Variants in LRRC8C observed in about 807,000 individuals in gnomAD.
LRRC8C encodes the protein volume-regulated anion channel subunit LRRC8C.
In LRRC8C, 20 loss-of-function variants were observed where a neutral mutation model predicts 55.3. The ratio of observed to expected loss-of-function variants is 0.36; its 90% CI spans 0.25 to 0.53. The LOEUF (loss-of-function observed/expected upper bound fraction) is 0.53, where lower values mean the gene tolerates loss of function less well. Among genes scored for constraint, LRRC8C ranks in the 20% least tolerant of loss-of-function variants. The pLI is 0.92. For synonymous variants in LRRC8C, 376 were observed against 360.7 expected, an observed-to-expected ratio of 1.04 and a Z score of -0.48; for missense variants, 659 against 951.4, an observed-to-expected ratio of 0.69 and a Z score of 4.04.
chr1:89,627,370 G>A, the LRRC8C span, among the ~76,000 whole-genome samples: 1 of 112,570 alleles, frequency 8.9e-6, no homozygotes, highest in Non-Finnish European at 2.0e-5. Flanking sequence ...CTAAGAATGA[G>A]ACTCTCTGTC....
intron 1 of LRRC8C, among the ~76,000 whole-genome samples, chr1:89,655,214 C>T (rs1010840351): frequency 3.3e-5 from 5 of 151,762 alleles, no homozygotes; most frequent in African/African-American, 1.2e-4. Context: ...CATTATCTAA[C>T]CTTATGCTGA....
At chr1:89,639,824 A>G (rs1656405939) in intron 1 of LRRC8C, among the ~76,000 whole-genome samples, 1 of 152,194 alleles carries the variant, frequency 6.6e-6, no homozygotes, top group Non-Finnish European at 1.5e-5. Context: ...TGTCTTTTCT[A>G]CTATTTTAGA....
intron 1 of LRRC8C, chr1:89,668,095 T>C (rs1657321446): frequency 6.6e-6 from 1 of 152,616 alleles, no homozygotes; most frequent in Non-Finnish European, 1.5e-5. Flanking sequence ...ATTATATTAA[T>C]TTGAACCATG....
At chr1:89,659,061 T>TTGTG (rs71084956) in intron 1 of LRRC8C, among the ~76,000 whole-genome samples, 49 of 53,946 alleles carry the variant, frequency 9.1e-4, no homozygotes, top group African/African-American at 2.7e-3. Context: ...TTTTTTTTTT[T>TTGTG]TGTGTGTGTG....
At chr1:89,655,922 C>T (rs1656930912) in intron 1 of LRRC8C, among the ~76,000 whole-genome samples, 1 of 152,174 alleles carries the variant, frequency 6.6e-6, no homozygotes, top group African/African-American at 2.4e-5. Context: ...TGTTTATATG[C>T]CATTGGCTAG....
intron 2 of LRRC8C, among the ~76,000 whole-genome samples, chr1:89,692,091 A>G (rs1394263895): frequency 3.3e-5 from 5 of 152,350 alleles, no homozygotes; most frequent in South Asian, 2.1e-4. Context: ...CTCTGCTATG[A>G]TAATCCACTA....
chr1:89,651,057 A>G (rs1368110168), intron 1 of LRRC8C, among the ~76,000 whole-genome samples: 2 of 152,206 alleles, frequency 1.3e-5, no homozygotes, highest in Non-Finnish European at 2.9e-5. Flanking sequence ...AGTGGGTAAC[A>G]ATAGCATATA....
In LRRC8C at chr1:89,713,029, C is replaced by T. The variant is rs1658701126; in HGVS notation, c.459C>T (p.Ser153=). 6.2e-7 allele frequency: 1 copy of T among 1,614,166 alleles called. No homozygotes were observed. The highest frequency in any genetic ancestry group is 1.6e-4 in the Middle Eastern group (1 of 6,062). The stretch of plus-strand genomic sequence containing the variant: ...GGTTCAAATTCCCTGGTTCCAGCTC[C>T]AAAATAGAACATTTCATCTCCATTC... ...NFWFKFPGSS[S]KIEHFISILG... is the part of the protein sequence containing the mutation. The change falls in exon 3 of 3, where the codon TCC becomes TCT. Residue 153 remains serine, a synonymous_variant. Transcript: ENST00000370454. This position sits in a 1 kb window ranked among gnomAD's most constrained non-coding sequence, Gnocchi z 5.2.
chr1:89,656,903 A>G (rs1656959169), intron 1 of LRRC8C, among the ~76,000 whole-genome samples: 1 of 152,190 alleles, frequency 6.6e-6, no homozygotes, highest in African/African-American at 2.4e-5. Context: ...TTAATTAAAT[A>G]ATGTAGTTGA....
At position 89,686,628 on chromosome 1, in the gene LRRC8C, C is replaced by T; in HGVS notation, c.138+17C>T. On this transcript the variant is annotated intron_variant, in intron 2 of 2. Transcript: ENST00000370454. Reference sequence around the variant, plus strand: ...ACTTTACAGGTAGGTGCCTAGATCCCTGGCAAAATGGGGGCCAGAGCAAAG... The same window carrying T: ...ACTTTACAGGTAGGTGCCTAGATCCTTGGCAAAATGGGGGCCAGAGCAAAG... 1 of 1,613,302 alleles carries T rather than the reference C, an allele frequency of 6.2e-7. No individual in the cohort carries two copies. The highest frequency in any genetic ancestry group is 8.5e-7 in the Non-Finnish European group (1 of 1,179,770).
intron 1 of LRRC8C, among the ~76,000 whole-genome samples, chr1:89,659,095 G>C (rs566348183): frequency 3.5e-5 from 5 of 141,918 alleles, no homozygotes; most frequent in Admixed American, 7.2e-5. Flanking sequence ...GTGTGTGTGT[G>C]TGTGTGTGTG....
At chr1:89,712,301 CAG>C (rs1400962748) in intron 2 of LRRC8C, among the ~76,000 whole-genome samples, 2 of 152,166 alleles carry the variant, frequency 1.3e-5, no homozygotes, top group African/African-American at 4.8e-5. Flanking sequence ...TTAGTAGAGA[CAG>C]GGTTTCGCCA....
chr1:89,718,203 G>T lies in LRRC8C; in HGVS notation c.*3221G>T, dbSNP rs924471846. ...TTATTCTTCACCCACCCCTTCCCCT[G>T]CCATTGTATTTCCCATCTGTTTCAA... On this transcript the variant is annotated 3_prime_UTR_variant, in exon 3 of 3. Transcript: ENST00000370454. 8.6e-5 allele frequency: 13 copies of T among 152,024 alleles called. No homozygotes were observed. Among genetic ancestry groups the T allele is most frequent in the Admixed American group, 7.2e-4 (11 of 15,268 alleles). 9.4% of individuals were successfully genotyped at this position (152,024 alleles called of 1,614,324 possible). A position where few individuals can be genotyped will look rare whatever the true frequency, so the allele number is the denominator to read the frequency against.
chr1:89,686,614 A>G lies in LRRC8C; in HGVS notation c.138+3A>G. On this transcript the variant is annotated splice_donor_region_variant and intron_variant, in intron 2 of 2. Transcript: ENST00000370454. The stretch of plus-strand genomic sequence containing the variant: ...GCGTGTTTGGATGTACTTTACAGGT[A>G]GGTGCCTAGATCCCTGGCAAAATGG... 1 of 1,613,954 alleles carries G rather than the reference A, an allele frequency of 6.2e-7. No individual in the cohort carries two copies.
intron 1 of LRRC8C, among the ~76,000 whole-genome samples, chr1:89,646,908 A>G (rs1211357397): frequency 1.3e-5 from 2 of 152,224 alleles, no homozygotes; most frequent in Non-Finnish European, 1.5e-5. Context: ...TGTAATCGAC[A>G]TGAAGATATG....
At chr1:89,707,351 G>T (rs1346923021) in intron 2 of LRRC8C, among the ~76,000 whole-genome samples, 1 of 151,960 alleles carries the variant, frequency 6.6e-6, no homozygotes, top group African/African-American at 2.4e-5. Context: ...AGGTTGCAGT[G>T]AGCTGAGATT....
At chr1:89,656,294 G>A (rs1289369706) in intron 1 of LRRC8C, among the ~76,000 whole-genome samples, 1 of 152,246 alleles carries the variant, frequency 6.6e-6, no homozygotes, top group Non-Finnish European at 1.5e-5. Flanking sequence ...CAGAGGAACA[G>A]CCCTTCCATA....
chr1:89,679,554 CAA>C lies in LRRC8C; in HGVS notation c.-4-6910_-4-6909del, dbSNP rs760538325. Reference sequence around the variant, plus strand: ...GGGTGACAGAGCCAGACCCTGTCTCCAAAAAAACAACAAAAGAAAAGATAAGG... The same window carrying C: ...GGGTGACAGAGCCAGACCCTGTCTCCAAAAACAACAAAAGAAAAGATAAGG... On this transcript the variant is annotated intron_variant, in intron 1 of 2. Transcript: ENST00000370454. Among the ~76,000 whole-genome samples the C allele has an allele frequency of 1.2e-4, 18 of 151,774 alleles. No homozygotes were observed. The East Asian group carries it at 3.1e-3, about 26-fold the overall frequency.
chr1:89,705,454 A>AAAAAT lies in LRRC8C; in HGVS notation c.139-7231_139-7227dup, dbSNP rs759437699. 2.1e-3 allele frequency among the ~76,000 whole-genome samples: 323 copies of AAAAAT among 151,972 alleles called. 5 individuals carry two copies. The highest frequency in any genetic ancestry group is 6.6e-3 in the African/African-American group (273 of 41,420). Reference sequence around the variant, plus strand: ...TAATAAAGAAATTTAGGGATTAACCAAAAATAAAATAAAATAAAATAAAAT... The same window carrying AAAAAT: ...TAATAAAGAAATTTAGGGATTAACCAAAAATAAAATAAAATAAAATAAAATAAAAT... On this transcript the variant is annotated intron_variant, in intron 2 of 2. Coordinates refer to ENST00000370454, the MANE Select transcript of LRRC8C (RefSeq NM_032270.5).
Sources: allele counts gnomAD v4.1 joint callset (sites outside exome capture counted in the v4.1 genomes callset), GRCh38; gene constraint gnomAD v4.1.1; non-coding constraint Gnocchi (gnomAD v3.1); transcripts MANE v1.5; gene names NCBI Gene and HGNC (gene_info 2026-07-23, HGNC 2026-07-21).